The following SUPT3H variants were observed in gnomAD, a reference collection of about 807,000 sequenced individuals.
SUPT3H encodes the protein transcription initiation protein SPT3 homolog.
A neutral mutation model predicts 44.3 loss-of-function variants in SUPT3H; 44 were observed. The ratio of observed to expected loss-of-function variants is 0.99; its 90% CI spans 0.78 to 1.28. The LOEUF (loss-of-function observed/expected upper bound fraction) is 1.28, where lower values mean the gene tolerates loss of function less well. Among genes scored for constraint, SUPT3H ranks in the 50% most tolerant of loss-of-function variants. SUPT3H has a pLI of 0.00. For missense variants in SUPT3H, 380 were observed against 387.1 expected (o/e 0.98, Z 0.15); for synonymous variants, 124 against 125.6 (o/e 0.99, Z 0.09).
chr6:44,960,215 T>A (rs1446423075), intron 7 of SUPT3H, among the ~76,000 whole-genome samples: 3 of 151,978 alleles, frequency 2.0e-5, no homozygotes, highest in African/African-American at 7.2e-5. Flanking sequence ...AAGACCACCC[T>A]GGCCAACATA....
intron 10 of SUPT3H, among the ~76,000 whole-genome samples, chr6:44,906,820 A>G (rs1324126924): frequency 6.6e-6 from 1 of 152,178 alleles, no homozygotes; most frequent in Admixed American, 6.5e-5. Context: ...TATTATCTCA[A>G]AAGTTTAAAT....
chr6:45,324,854 C>T (rs1265933882), intron 2 of SUPT3H, among the ~76,000 whole-genome samples: 2 of 151,822 alleles, frequency 1.3e-5, no homozygotes, highest in African/African-American at 4.8e-5. Context: ...TGTATACATA[C>T]GCAATAAGAC....
At chr6:45,034,904 G>A (rs534067617) in intron 3 of SUPT3H, among the ~76,000 whole-genome samples, 6 of 152,216 alleles carry the variant, frequency 3.9e-5, no homozygotes, top group African/African-American at 9.6e-5. Context: ...TGTCTCCACC[G>A]TAGTCCACAG....
intron 2 of SUPT3H, among the ~76,000 whole-genome samples, chr6:45,272,846 T>G (rs1229340353): frequency 6.6e-6 from 1 of 152,190 alleles, no homozygotes; most frequent in Non-Finnish European, 1.5e-5. Context: ...GCAAAACGCC[T>G]CAAGCATCCC....
intron 3 of SUPT3H, among the ~76,000 whole-genome samples, chr6:45,053,740 CAA>C (rs57736879): frequency 0.014 from 845 of 59,478 alleles, 12 homozygotes; most frequent in African/African-American, 0.045. Context: ...ACTAAAAATA[CAA>C]AAAAAAAAAA....
At chr6:45,126,907 C>T (rs956351125) in intron 2 of SUPT3H, among the ~76,000 whole-genome samples, 4 of 151,960 alleles carry the variant, frequency 2.6e-5, no homozygotes, top group African/African-American at 9.7e-5. Flanking sequence ...AAAAGCTTGC[C>T]TAAAAAAAAT....
At chr6:45,332,398 C>G (rs1787694048) in intron 2 of SUPT3H, among the ~76,000 whole-genome samples, 1 of 151,232 alleles carries the variant, frequency 6.6e-6, no homozygotes, top group Admixed American at 6.6e-5. Flanking sequence ...GAAAAAAATC[C>G]AATGGGACTA....
intron 2 of SUPT3H, among the ~76,000 whole-genome samples, chr6:45,268,840 T>A (rs1345849413): frequency 2.0e-4 from 30 of 152,198 alleles, no homozygotes; most frequent in Admixed American, 2.0e-3. Context: ...AACTTCATCC[T>A]AGTCAAAATT....
At chr6:45,228,860 G>A (rs931242253) in intron 2 of SUPT3H, among the ~76,000 whole-genome samples, 4 of 151,990 alleles carry the variant, frequency 2.6e-5, no homozygotes, top group Non-Finnish European at 5.9e-5. Flanking sequence ...GGCTGGTCTC[G>A]AACTCCTGAC....
chr6:44,899,083 C>A (rs1452743297), intron 10 of SUPT3H: 2 of 152,092 alleles, frequency 1.3e-5, no homozygotes, highest in Non-Finnish European at 2.9e-5. Context: ...GGATGCCCAG[C>A]TTTTACCAGG....
At chr6:45,328,119 T>C (rs1786682546) in intron 2 of SUPT3H, 2 of 401,236 alleles carry the variant, frequency 5.0e-6, no homozygotes, top group Non-Finnish European at 8.6e-6. Context: ...TATATCCTTC[T>C]GGATGCCAGG....
chr6:44,994,612 G>A (rs1414104525), intron 6 of SUPT3H, among the ~76,000 whole-genome samples: 1 of 152,112 alleles, frequency 6.6e-6, no homozygotes, highest in Non-Finnish European at 1.5e-5. Flanking sequence ...TACTGCCACT[G>A]GCAGGGACTG....
chr6:45,346,783 T>C (rs1422908980), intron 2 of SUPT3H, among the ~76,000 whole-genome samples: 1 of 152,102 alleles, frequency 6.6e-6, no homozygotes, highest in Non-Finnish European at 1.5e-5. Flanking sequence ...GTCAGGCTGG[T>C]CTCAAACTTG....
intron 2 of SUPT3H, among the ~76,000 whole-genome samples, chr6:45,290,206 T>C (rs999671759): frequency 2.6e-5 from 4 of 152,074 alleles, no homozygotes; most frequent in Non-Finnish European, 4.4e-5. Flanking sequence ...ATTAAATATA[T>C]TTTTCTTCCT....
chr6:44,912,110 T>A (rs1767138166), intron 10 of SUPT3H, among the ~76,000 whole-genome samples: 1 of 152,130 alleles, frequency 6.6e-6, no homozygotes, highest in Non-Finnish European at 1.5e-5. Flanking sequence ...TATAACAAAA[T>A]TTGTCATTTT....
chr6:45,128,541 T>A (rs865795772), intron 2 of SUPT3H, among the ~76,000 whole-genome samples: 17 of 51,414 alleles, frequency 3.3e-4, no homozygotes, highest in African/African-American at 6.5e-4. Flanking sequence ...AAAATATATA[T>A]ATATATATAT....
chr6:45,358,769 A>G (rs1437747712), intron 2 of SUPT3H, among the ~76,000 whole-genome samples: 1 of 152,204 alleles, frequency 6.6e-6, no homozygotes, highest in African/African-American at 2.4e-5. Flanking sequence ...TAATACTTTC[A>G]GCAGAGTCTA....
chr6:45,106,508 T>C (rs189803855), intron 2 of SUPT3H, among the ~76,000 whole-genome samples: 1 of 152,268 alleles, frequency 6.6e-6, no homozygotes, highest in African/African-American at 2.4e-5. Flanking sequence ...CAGTGTTATC[T>C]ATGCTATTTC....
At chr6:44,809,877 A>G (rs765298563) in intron 11 of SUPT3H, among the ~76,000 whole-genome samples, 16 of 152,202 alleles carry the variant, frequency 1.1e-4, no homozygotes, top group Non-Finnish European at 1.9e-4. Flanking sequence ...CAATTTCTCA[A>G]ACACCACACA....
Sources: allele counts gnomAD v4.1 joint callset (sites outside exome capture counted in the v4.1 genomes callset), GRCh38; gene constraint gnomAD v4.1.1; transcripts MANE v1.5; gene names NCBI Gene and HGNC (gene_info 2026-07-23, HGNC 2026-07-21).